Variants in ADCY7 observed in about 807,000 individuals in gnomAD.
ADCY7 encodes adenylate cyclase type 7.
A neutral mutation model predicts 120.6 loss-of-function variants in ADCY7; 72 were observed. The ratio of observed to expected loss-of-function variants is 0.60; its 90% CI spans 0.49 to 0.73. The LOEUF (loss-of-function observed/expected upper bound fraction) is 0.73. Ranked by LOEUF, ADCY7 falls within the 30% of genes least tolerant of loss-of-function variation. The pLI is 0.00. For missense variants in ADCY7, 1,227 were observed against 1,486.0 expected (o/e 0.83, Z 2.87); for synonymous variants, 661 against 628.0 (o/e 1.05, Z -0.78).
In ADCY7 at chr16:50,318,076, A is replaced by ATAAAGTACCAGTG. The variant is rs2036896530; in HGVS notation, c.*2573_*2585dup. Reference sequence around the variant, plus strand: ...TGTTTCAAAATGCTGTTTCATTTTTATAAAGTACCAGTGTTTAGCTGCTTT... The same window carrying ATAAAGTACCAGTG: ...TGTTTCAAAATGCTGTTTCATTTTTATAAAGTACCAGTGTAAAGTACCAGTGTTTAGCTGCTTT... On this transcript the variant is annotated 3_prime_UTR_variant, in exon 26 of 26. Coordinates refer to ENST00000673801, the MANE Select transcript of ADCY7 (RefSeq NM_001114.5). 1 of 152,446 alleles carries ATAAAGTACCAGTG rather than the reference A, an allele frequency of 6.6e-6. No homozygotes were observed. The highest frequency in any genetic ancestry group is 2.1e-4 in the South Asian group (1 of 4,828). 9.4% of individuals were successfully genotyped at this position (152,446 alleles called of 1,614,324 possible).
intron 23 of ADCY7, 40 bp downstream of exon 23, chr16:50,314,102 CACTT>C: frequency 1.3e-6 from 2 of 1,581,516 alleles, no homozygotes; most frequent in South Asian, 1.1e-5. Flanking sequence ...TGACTGTCCT[CACTT>C]AAAGGTGACC....
chr16:50,313,721 A>G (rs2036617504), intron 22 of ADCY7: 2 of 543,612 alleles, frequency 3.7e-6, no homozygotes, highest in Non-Finnish European at 3.3e-6. Context: ...GTGCAGACAC[A>G]GATGGAAGGG....
rs149245804 is a variant in ADCY7, at chr16:50,312,116, C to T, written c.2529C>T (p.Asn843=). 1.3e-5 allele frequency: 21 copies of T among 1,614,220 alleles called. No homozygotes were observed. The highest frequency in any genetic ancestry group is 6.7e-5 in the East Asian group (3 of 44,878). Residue 843 remains asparagine (N), a synonymous_variant, in exon 21 of 26, where the codon AAC becomes AAT. Transcript: ENST00000673801. ...KEHEEFETME[N]VNRLLLENVL... is the part of the protein sequence containing the mutation. Reference sequence around the variant, plus strand: ...ACGAGGAGTTTGAGACCATGGAGAACGTGAACCGCCTTCTTCTGGAGAACG... The same window carrying T: ...ACGAGGAGTTTGAGACCATGGAGAATGTGAACCGCCTTCTTCTGGAGAACG...
chr16:50,290,646 T>TG lies in ADCY7; in HGVS notation c.362dup (p.Cys121TrpfsTer138). On this transcript the variant is annotated frameshift_variant, in exon 3 of 26. Coordinates refer to ENST00000673801, the MANE Select transcript of ADCY7 (RefSeq NM_001114.5). LOFTEE classifies it high-confidence loss of function. ...GTTCGACGCATGGACAAAGGCGGCC[T>TG]GTGCGTGGGAGCAGGTAACAGGAAC... 1 of 1,613,464 alleles carries TG rather than the reference T, an allele frequency of 6.2e-7. No homozygotes were observed. The highest frequency in any genetic ancestry group is 8.5e-7 in the Non-Finnish European group (1 of 1,179,566).
intron 1 of ADCY7, among the ~76,000 whole-genome samples, chr16:50,281,673 G>A (rs569821095): frequency 5.3e-5 from 8 of 152,212 alleles, no homozygotes; most frequent in Non-Finnish European, 7.3e-5. Flanking sequence ...CTCTTGGTAC[G>A]GGAGGTGCCT....
upstream of ADCY7, among the ~76,000 whole-genome samples, chr16:50,263,986 C>T (rs1010492024): frequency 7.9e-5 from 12 of 152,096 alleles, no homozygotes; most frequent in African/African-American, 1.7e-4. Flanking sequence ...TAAAAATGGA[C>T]GGGTAATTTA....
intron 7 of ADCY7, among the ~76,000 whole-genome samples, chr16:50,295,345 AT>A (rs67137852): frequency 0.012 from 949 of 82,454 alleles, 2 homozygotes; most frequent in Middle Eastern, 0.034. Context: ...CGCCTGGCTA[AT>A]TTTTTTTTTT....
chr16:50,246,994 CCT>C (rs1249457367), intron 1 of ADCY7, among the ~76,000 whole-genome samples: 1 of 152,228 alleles, frequency 6.6e-6, no homozygotes, highest in Non-Finnish European at 1.5e-5. Context: ...AACAGGATAC[CCT>C]GTGTGGTCGG....
intron 4 of ADCY7, among the ~76,000 whole-genome samples, chr16:50,292,302 T>C (rs9936021): frequency 6.6e-6 from 1 of 152,054 alleles, no homozygotes; most frequent in East Asian, 1.9e-4. Flanking sequence ...AATTATTGGG[T>C]GTTTAGAGAA....
intron 2 of ADCY7, 106 bp downstream of exon 2, chr16:50,288,456 A>G (rs1288759775): frequency 1.6e-6 from 2 of 1,220,692 alleles, no homozygotes; most frequent in South Asian, 3.4e-5. Flanking sequence ...GTAAAATGCT[A>G]TGCTTTTTTG....
At chr16:50,278,864 C>A in intron 1 of ADCY7, among the ~76,000 whole-genome samples, 1 of 105,540 alleles carries the variant, frequency 9.5e-6, no homozygotes, top group African/African-American at 4.2e-5. Context: ...ATGGATCTCT[C>A]TCTCTCTCTC....
chr16:50,288,229 A>G lies in ADCY7; in HGVS notation c.50A>G (p.Asp17Gly). ...YFLNEGEEGP[D>G]QDALYEKYQL... The stretch of plus-strand genomic sequence containing the variant: ...CTCAACGAGGGCGAGGAGGGCCCTG[A>G]CCAAGATGCGCTCTACGAGAAGTAC... The change falls in exon 2 of 26, where the codon GAC (aspartate) becomes GGC (glycine). Residue 17 changes from aspartate to glycine, a missense_variant. By Grantham distance (94) the Asp-to-Gly change is moderately conservative. Transcript: ENST00000673801. The G allele has an allele frequency of 6.4e-7, 1 of 1,551,556 alleles. No homozygotes were observed. Among genetic ancestry groups the G allele is most frequent in the Non-Finnish European group, 8.7e-7 (1 of 1,147,106 alleles).
At chr16:50,256,298 A>G (rs1263380992) in intron 1 of ADCY7, among the ~76,000 whole-genome samples, 1 of 152,254 alleles carries the variant, frequency 6.6e-6, no homozygotes, top group African/African-American at 2.4e-5. Flanking sequence ...AACCCATGCA[A>G]ATGACCAACA....
intron 3 of ADCY7, among the ~76,000 whole-genome samples, chr16:50,291,505 G>T (rs1197628427): frequency 6.6e-6 from 1 of 152,180 alleles, no homozygotes; most frequent in East Asian, 1.9e-4. Flanking sequence ...CCCACCTAGG[G>T]TGGCCACAGG....
chr16:50,296,139 A>G (rs562216090), intron 7 of ADCY7, among the ~76,000 whole-genome samples: 3 of 152,212 alleles, frequency 2.0e-5, no homozygotes, highest in South Asian at 2.1e-4. Context: ...AGCAGCCTCA[A>G]CCTGCCTGGG....
chr16:50,310,249 G>A (rs960826124), intron 18 of ADCY7, among the ~76,000 whole-genome samples: 1 of 152,122 alleles, frequency 6.6e-6, no homozygotes, highest in African/African-American at 2.4e-5. Flanking sequence ...GATGGAGCCG[G>A]GGGCAGGCTT....
chr16:50,314,429 G>T (rs751785392), intron 24 of ADCY7, 23 bp downstream of exon 24: 1 of 1,596,922 alleles, frequency 6.3e-7, no homozygotes, highest in Non-Finnish European at 8.6e-7. Flanking sequence ...GATGGAGCGG[G>T]GTGGGGAGCC....
At chr16:50,315,237 T>C (rs2036742230) in intron 25 of ADCY7, 99 bp downstream of exon 25, 4 of 1,572,582 alleles carry the variant, frequency 2.5e-6, no homozygotes, top group South Asian at 2.4e-5. Context: ...CCAGCAGCCA[T>C]GGTTCTAGCT....
intron 17 of ADCY7, 41 bp downstream of exon 17, chr16:50,308,833 G>C (rs747173532): frequency 1.9e-6 from 3 of 1,566,064 alleles, no homozygotes; most frequent in Non-Finnish European, 2.6e-6. Flanking sequence ...GGGGTAGAGG[G>C]AGACCTCCAG....
Sources: allele counts gnomAD v4.1 joint callset (sites outside exome capture counted in the v4.1 genomes callset), GRCh38; gene constraint gnomAD v4.1.1; transcripts MANE v1.5; gene names NCBI Gene and HGNC (gene_info 2026-07-23, HGNC 2026-07-21).